Variants in PRKG2 observed in about 807,000 individuals in gnomAD.
PRKG2 encodes the protein protein kinase cGMP-dependent 2, also known as cGMP-dependent protein kinase 2.
In PRKG2, 33 loss-of-function variants were observed where a neutral mutation model predicts 97.2. That is an observed-to-expected ratio of 0.34 (90% CI 0.26 to 0.45). The LOEUF (loss-of-function observed/expected upper bound fraction) is 0.45. Ranked by LOEUF, PRKG2 falls within the 20% of genes least tolerant of loss-of-function variation. The probability of loss-of-function intolerance (pLI) is 1.00; values close to 1 mark genes in which losing one functional copy is unlikely to be tolerated. For synonymous variants in PRKG2, 330 were observed against 321.8 expected (o/e 1.03, Z -0.27); for missense variants, 638 against 900.0 (o/e 0.71, Z 3.73).
At chr4:81,120,173 G>A (rs894075518) in intron 14 of PRKG2, among the ~76,000 whole-genome samples, 1 of 152,130 alleles carries the variant, frequency 6.6e-6, no homozygotes, top group Non-Finnish European at 1.5e-5. Context: ...CTACTCATAC[G>A]CTGCTGAATG....
At chr4:81,099,941 C>T (rs572561317) in intron 17 of PRKG2, among the ~76,000 whole-genome samples, 102 of 152,238 alleles carry the variant, frequency 6.7e-4, no homozygotes, top group African/African-American at 2.1e-3. Flanking sequence ...AGAGCCAAAT[C>T]ATGAGTGAAC....
In PRKG2 at chr4:81,208,576, C is replaced by T. The variant is rs188758810; in HGVS notation, c.-13-3516G>A. On this transcript the variant is annotated intron_variant, in intron 1 of 18. Coordinates refer to ENST00000264399, the MANE Select transcript of PRKG2 (RefSeq NM_006259.3). ...AGCTAGGACTACAGAGGCACACCAC[C>T]ATGCTTGACTGATTTTTTTTATTTT... Among the ~76,000 whole-genome samples the T allele has an allele frequency of 3.8e-3, 577 of 152,188 alleles. 8 individuals are homozygous for T. Among genetic ancestry groups the T allele is most frequent in the African/African-American group, 0.013 (557 of 41,514 alleles).
At chr4:81,137,862 T>G (rs1314977933) in intron 12 of PRKG2, among the ~76,000 whole-genome samples, 1 of 152,242 alleles carries the variant, frequency 6.6e-6, no homozygotes, top group Non-Finnish European at 1.5e-5. Context: ...TATGTCACCT[T>G]TAAGATTTGC....
chr4:81,209,104 T>A (rs956833514), intron 1 of PRKG2, among the ~76,000 whole-genome samples: 2 of 152,168 alleles, frequency 1.3e-5, no homozygotes, highest in Admixed American at 1.3e-4. Flanking sequence ...GGAAACTACA[T>A]AAGACTACAA....
intron 14 of PRKG2, among the ~76,000 whole-genome samples, chr4:81,112,405 T>C (rs1430535208): frequency 6.6e-6 from 1 of 152,170 alleles, no homozygotes; most frequent in Non-Finnish European, 1.5e-5. Context: ...GAAAGTAATG[T>C]TTATAACTGC....
intron 1 of PRKG2, among the ~76,000 whole-genome samples, chr4:81,211,926 T>A (rs1380504108): frequency 2.0e-5 from 3 of 152,174 alleles, no homozygotes; most frequent in Non-Finnish European, 4.4e-5. Context: ...CTTCTACAGA[T>A]AATATTCTAG....
chr4:81,096,163 A>G (rs1030053344), intron 17 of PRKG2, among the ~76,000 whole-genome samples: 7 of 152,174 alleles, frequency 4.6e-5, no homozygotes, highest in Non-Finnish European at 1.0e-4. Context: ...AGTTTGCTGT[A>G]TTGATTAACT....
rs1049272523 is a variant in PRKG2 at position 81,179,884 on chromosome 4, G to A, written c.462-4925C>T. 5.9e-5 allele frequency among the ~76,000 whole-genome samples: 9 copies of A among 152,156 alleles called. No individual in the cohort carries two copies. In the South Asian group the frequency reaches 6.2e-4, roughly 11 times the overall value. ...AGGCCGGGCGCAGTAGCTCATGCTT[G>A]TAATCCCAGCACTTTAGGAGGCTGA... On this transcript the variant is annotated intron_variant, in intron 2 of 18. Coordinates refer to ENST00000264399, the MANE Select transcript of PRKG2 (RefSeq NM_006259.3).
intron 14 of PRKG2, among the ~76,000 whole-genome samples, chr4:81,127,068 T>A (rs1418294536): frequency 6.6e-6 from 1 of 152,208 alleles, no homozygotes. Flanking sequence ...GGGTCCAGTT[T>A]CAGTTTTCTG....
intron 15 of PRKG2, among the ~76,000 whole-genome samples, chr4:81,107,719 G>A (rs970792309): frequency 6.6e-6 from 1 of 151,840 alleles, no homozygotes; most frequent in Admixed American, 6.6e-5. Context: ...CACCATGTTG[G>A]CCAGGATGGT....
chr4:81,150,931 CT>C (rs1748335731), intron 8 of PRKG2, among the ~76,000 whole-genome samples: 1 of 152,060 alleles, frequency 6.6e-6, no homozygotes, highest in Admixed American at 6.6e-5. Flanking sequence ...AAGAATTCAG[CT>C]TATCTTTAAA....
At chr4:81,181,729 G>A (rs547518547) in intron 2 of PRKG2, among the ~76,000 whole-genome samples, 1 of 151,930 alleles carries the variant, frequency 6.6e-6, no homozygotes, top group East Asian at 1.9e-4. Flanking sequence ...GAAATGAGTA[G>A]TATGAACAAC....
At chr4:81,156,199 G>C (rs1010719370) in intron 6 of PRKG2, among the ~76,000 whole-genome samples, 1 of 152,110 alleles carries the variant, frequency 6.6e-6, no homozygotes, top group African/African-American at 2.4e-5. Context: ...CACAGGCAGA[G>C]ACACACATAG....
intron 16 of PRKG2, 82 bp from the exon 17 acceptor site, chr4:81,104,514 T>C: frequency 1.6e-6 from 1 of 640,934 alleles, no homozygotes; most frequent in East Asian, 4.9e-5. Flanking sequence ...AATTAAAACT[T>C]AACATCTATT....
At chr4:81,095,706 T>C (rs949715480) in intron 17 of PRKG2, among the ~76,000 whole-genome samples, 5 of 152,192 alleles carry the variant, frequency 3.3e-5, no homozygotes, top group South Asian at 2.1e-4. Flanking sequence ...AGAGAAATAT[T>C]AGCAGCAACA....
rs778828322 is a variant in PRKG2, at chr4:81,171,652, CACA to C, written c.742+36_742+38del. 3 of 1,487,882 alleles carry C rather than the reference CACA, an allele frequency of 2.0e-6. No individual in the cohort carries two copies. The East Asian group carries it at 6.9e-5, about 34-fold the overall frequency. The allele number at this position is 1,487,882 out of a possible 1,614,324, so 92.2% of individuals were successfully genotyped here. On this transcript the variant is annotated intron_variant, in intron 4 of 18. Coordinates refer to ENST00000264399, the MANE Select transcript of PRKG2 (RefSeq NM_006259.3). Reference sequence around the variant, plus strand: ...CTGGACTAGATTATCTTTAACATGCCACAACAATTCAAAGATGGAGCATTTCCT... The same window carrying C: ...CTGGACTAGATTATCTTTAACATGCCACAATTCAAAGATGGAGCATTTCCT...
At chr4:81,191,343 A>G (rs1752498057) in intron 2 of PRKG2, among the ~76,000 whole-genome samples, 1 of 152,124 alleles carries the variant, frequency 6.6e-6, no homozygotes, top group African/African-American at 2.4e-5. Flanking sequence ...ACAGAAAACA[A>G]AACACCACAT....
At position 81,181,834 on chromosome 4, in the gene PRKG2, A is replaced by G. The variant is rs555886200; in HGVS notation, c.462-6875T>C. ...AATTCAAAATAAAATTTTTAAAATG[A>G]CATCATTTAAAATAGTTTCAAAAAC... is the stretch of plus-strand genomic sequence containing the variant. On this transcript the variant is annotated intron_variant, in intron 2 of 18. Coordinates refer to ENST00000264399, the MANE Select transcript of PRKG2 (RefSeq NM_006259.3). 2.2e-3 allele frequency among the ~76,000 whole-genome samples: 331 copies of G among 152,144 alleles called. 3 individuals are homozygous for G. The highest frequency in any genetic ancestry group is 7.7e-3 in the African/African-American group (322 of 41,560).
chr4:81,102,676 A>G (rs1742920355), intron 17 of PRKG2, among the ~76,000 whole-genome samples: 1 of 152,188 alleles, frequency 6.6e-6, no homozygotes, highest in African/African-American at 2.4e-5. Context: ...CTTTCTTACT[A>G]AAAACATCCT....
Sources: gnomAD v4.1 joint callset for allele counts (sites outside exome capture counted in the v4.1 genomes callset) on GRCh38, gnomAD v4.1.1 for gene constraint, MANE v1.5 for transcripts, NCBI Gene and HGNC (gene_info 2026-07-23, HGNC 2026-07-21) for gene names.